RNF213: variants seen among roughly 807,000 people sequenced by gnomAD.
The protein encoded by RNF213 is E3 ubiquitin-protein ligase RNF213.
RNF213 carries 341 observed loss-of-function variants against 514.4 expected under a neutral mutation model. That is an observed-to-expected ratio of 0.66 (90% CI 0.61 to 0.73). RNF213 has a LOEUF of 0.73. Among genes scored for constraint, RNF213 ranks in the 30% least tolerant of loss-of-function variants. RNF213 has a pLI of 0.00. For synonymous variants in RNF213, 2,655 were observed against 2,658.2 expected (o/e 1.00, Z 0.04); for missense variants, 5,767 against 6,615.6 (o/e 0.87, Z 4.45).
intron 32 of RNF213, 189 bp downstream of exon 32, chr17:80,351,992 T>C (rs1467733723): frequency 4.3e-6 from 2 of 467,920 alleles, no homozygotes; most frequent in Non-Finnish European, 7.9e-6. Flanking sequence ...GTAGCTGGCA[T>C]TACAGGCGTG....
intron 2 of RNF213, among the ~76,000 whole-genome samples, chr17:80,265,036 G>A (rs1368730696): frequency 7.5e-6 from 1 of 133,204 alleles, no homozygotes; most frequent in Admixed American, 7.5e-5. Flanking sequence ...GTCCTTCCAT[G>A]TTTGTTTGTT....
chr17:80,263,108 G>T lies in RNF213; in HGVS notation c.-108-466G>T, dbSNP rs1021776515. ...TTGGTCTGGTTTGATGCCATCCACC[G>T]CAGAGGCTGTTCTGAGGGCAGGTGG... is the stretch of plus-strand genomic sequence containing the variant. On this transcript the variant is annotated intron_variant, in intron 1 of 67. Coordinates refer to ENST00000582970, the MANE Select transcript of RNF213 (RefSeq NM_001256071.3). This position sits in a 1 kb window ranked among gnomAD's most constrained non-coding sequence, Gnocchi z 4.9. Among the ~76,000 whole-genome samples the T allele has an allele frequency of 6.6e-6, 1 of 152,174 alleles. No homozygotes were observed. The highest frequency in any genetic ancestry group is 1.9e-4 in the East Asian group (1 of 5,200).
intron 8 of RNF213, among the ~76,000 whole-genome samples, chr17:80,293,405 G>A (rs2143354429): frequency 6.6e-6 from 1 of 152,106 alleles, no homozygotes; most frequent in Non-Finnish European, 1.5e-5. Context: ...GAGAACATAA[G>A]CTTTGAAAGA....
chr17:80,281,928 C>T (rs1218976983), intron 3 of RNF213, among the ~76,000 whole-genome samples: 5 of 152,102 alleles, frequency 3.3e-5, no homozygotes, highest in Non-Finnish European at 7.3e-5. Context: ...GTGATCTCGG[C>T]TCCCTGCAAC....
intron 2 of RNF213, among the ~76,000 whole-genome samples, chr17:80,271,966 C>T (rs1247639229): frequency 3.4e-5 from 5 of 146,264 alleles, no homozygotes; most frequent in South Asian, 4.4e-4. Flanking sequence ...GGTGACAGAG[C>T]GAGACTCCGT....
At chr17:80,309,787 A>C (rs561122627) in intron 14 of RNF213, among the ~76,000 whole-genome samples, 54 of 150,318 alleles carry the variant, frequency 3.6e-4, no homozygotes, top group African/African-American at 1.3e-3. Flanking sequence ...ACGGGGTCTC[A>C]CTCTGTCACC....
At chr17:80,384,950 A>G in intron 59 of RNF213, 89 bp from the exon 60 acceptor site, 6 of 1,353,824 alleles carry the variant, frequency 4.4e-6, no homozygotes, top group Non-Finnish European at 5.3e-6. Flanking sequence ...CTACAAATAC[A>G]AGTCTCGCAG....
intron 25 of RNF213, 119 bp from the exon 26 acceptor site, chr17:80,339,082 C>CATTAAAAAAA: frequency 9.3e-5 from 69 of 738,150 alleles, no homozygotes; most frequent in South Asian, 3.8e-4. Context: ...GAGCGCAGAT[C>CATTAAAAAAA]ATGCAGTGGG....
chr17:80,358,514 A>G (rs765758786), intron 37 of RNF213, 35 bp downstream of exon 37: 63 of 1,584,184 alleles, frequency 4.0e-5, no homozygotes, highest in Non-Finnish European at 5.3e-5. Context: ...GGGGAGAGAA[A>G]CTATCAGAAC....
Position 80,264,210 on chromosome 17 carries a change from C to T in RNF213, c.97+432C>T, listed in dbSNP as rs778130209. Among the ~76,000 whole-genome samples, 4 of 152,168 alleles carry T rather than the reference C, an allele frequency of 2.6e-5. No homozygotes were observed. Among genetic ancestry groups the T allele is most frequent in the Non-Finnish European group, 4.4e-5 (3 of 68,022 alleles). ...TCTTCCCCTTGGGAATGAGAAGTGT[C>T]GGGCTGAGCTGAGGGCTTCATAGAG... is the stretch of plus-strand genomic sequence containing the variant. On this transcript the variant is annotated intron_variant, in intron 2 of 67. Transcript: ENST00000582970. The surrounding 1 kb of genome is among the most constrained non-coding windows in gnomAD (Gnocchi z 5.0).
intron 2 of RNF213, among the ~76,000 whole-genome samples, chr17:80,272,008 G>A (rs938946652): frequency 6.7e-6 from 1 of 150,058 alleles, no homozygotes; most frequent in Admixed American, 6.7e-5. Flanking sequence ...AAAGAGGCCG[G>A]GTGGGGTGGC....
intron 39 of RNF213, among the ~76,000 whole-genome samples, chr17:80,362,124 A>G (rs2079078383): frequency 6.6e-6 from 1 of 152,250 alleles, no homozygotes; most frequent in Non-Finnish European, 1.5e-5. Flanking sequence ...CTTTCTGTGA[A>G]CATGAGAAGA....
Position 80,318,366 on chromosome 17 carries a change from G to A in RNF213, c.2902-824G>A, listed in dbSNP as rs183717270. 1.1e-3 allele frequency among the ~76,000 whole-genome samples: 162 copies of A among 152,218 alleles called. 2 individuals are homozygous for A. The highest frequency in any genetic ancestry group is 2.9e-4 in the Non-Finnish European group (20 of 67,992). The stretch of plus-strand genomic sequence containing the variant: ...TTGCCAGGGACCCGCCCCTGTCTGC[G>A]TAGGATTTCTCTGCCTCCTGCCTCC... On this transcript the variant is annotated intron_variant, in intron 16 of 67. Coordinates refer to ENST00000582970, the MANE Select transcript of RNF213 (RefSeq NM_001256071.3).
chr17:80,337,966 G>C lies in RNF213; in HGVS notation c.4802G>C (p.Arg1601Pro), dbSNP rs748382874. 6.5e-7 allele frequency: 1 copy of C among 1,537,306 alleles called. No individual in the cohort carries two copies. Among genetic ancestry groups the C allele is most frequent in the South Asian group, 1.2e-5 (1 of 84,066 alleles). ...KLMLMSGKKDRNNTEVERFSE... is the reference protein window; with the variant it reads ...KLMLMSGKKDPNNTEVERFSE... ...ATGCTGATGTCTGGCAAGAAGGATC[G>C]TAACAACACGGAAGTGGAGAGGTTT... Residue 1601 changes from arginine to proline, a missense_variant, in exon 25 of 68, where the codon CGT (arginine) becomes CCT (proline). By Grantham distance (103) the Arg-to-Pro change is moderately radical. This residue lies in a region of RNF213 where 1,377 missense variants were observed against 1,635.2 expected (regional missense o/e 0.84). Transcript: ENST00000582970.
chr17:80,263,724 C>A lies in RNF213; in HGVS notation c.43C>A (p.Pro15Thr). ...CCAGCATGTCTCCAAGGAGGAAACC[C>A]CCAAGTTCTGCAGCCAGTGCGGAGA... The part of the protein sequence containing the change: ...SCQHVSKEET[P>T]KFCSQCGERL... The change falls in exon 2 of 68, where the codon CCC becomes ACC. Residue 15 changes from proline to threonine, a missense_variant. This residue lies in a region of RNF213 where 509 missense variants were observed against 496.7 expected (regional missense o/e 1.02). Coordinates refer to ENST00000582970, the MANE Select transcript of RNF213 (RefSeq NM_001256071.3). The surrounding 1 kb of genome is among the most constrained non-coding windows in gnomAD (Gnocchi z 4.9). 1 of 1,614,144 alleles carries A rather than the reference C, an allele frequency of 6.2e-7. No homozygotes were observed. The highest frequency in any genetic ancestry group is 8.5e-7 in the Non-Finnish European group (1 of 1,180,024).
chr17:80,320,048 G>A (rs2046086550), intron 17 of RNF213: 5 of 1,003,048 alleles, frequency 5.0e-6, no homozygotes, highest in African/African-American at 1.7e-5. Flanking sequence ...ATGCCATACG[G>A]TACATCTGTC....
chr17:80,283,393 G>T lies in RNF213; in HGVS notation c.262-4422G>T, dbSNP rs150339708. Among the ~76,000 whole-genome samples the T allele has an allele frequency of 6.9e-3, 1,044 of 152,336 alleles. 3 individuals are homozygous for T. Among genetic ancestry groups the T allele is most frequent in the Non-Finnish European group, 0.011 (760 of 68,030 alleles). On this transcript the variant is annotated intron_variant, in intron 3 of 67. Coordinates refer to ENST00000582970, the MANE Select transcript of RNF213 (RefSeq NM_001256071.3). ...TCTATTGAAAAGAGGTTCTGGGATGGCGGCTTGAGGGCAGTGGTCTTCCAG... is the reference window on the plus strand; with the variant it reads ...TCTATTGAAAAGAGGTTCTGGGATGTCGGCTTGAGGGCAGTGGTCTTCCAG...
In RNF213 at chr17:80,289,853, C is replaced by T. The variant is rs1555644772; in HGVS notation, c.1112+16C>T. On this transcript the variant is annotated intron_variant, in intron 6 of 67. Coordinates refer to ENST00000582970, the MANE Select transcript of RNF213 (RefSeq NM_001256071.3). Reference sequence around the variant, plus strand: ...TGAAGGCAAGGTAGGGATGCCCCCGCAGGGGAGCAAAGGAGACCCTGCCTG... The same window carrying T: ...TGAAGGCAAGGTAGGGATGCCCCCGTAGGGGAGCAAAGGAGACCCTGCCTG... 1.2e-6 allele frequency: 2 copies of T among 1,601,080 alleles called. No individual in the cohort carries two copies. Among genetic ancestry groups the T allele is most frequent in the South Asian group, 2.2e-5 (2 of 89,502 alleles).
At chr17:80,314,220 G>A (rs1476808587) in intron 15 of RNF213, among the ~76,000 whole-genome samples, 1 of 122,786 alleles carries the variant, frequency 8.1e-6, no homozygotes. Context: ...GGAGGTGATG[G>A]TGGTGGTGAA....
Sources: gnomAD v4.1 joint callset for allele counts (sites outside exome capture counted in the v4.1 genomes callset) on GRCh38, gnomAD v4.1.1 for gene constraint, gnomAD v4.1.1 regional missense constraint, Gnocchi (gnomAD v3.1) non-coding constraint, MANE v1.5 for transcripts, NCBI Gene and HGNC (gene_info 2026-07-23, HGNC 2026-07-21) for gene names.